Variants in CENPT observed in about 807,000 individuals in gnomAD.
CENPT encodes centromere protein T, also known as interphase centromere complex protein 22.
In CENPT, 42 loss-of-function variants were observed where a neutral mutation model predicts 59.7. That is an observed-to-expected ratio of 0.70 (90% CI 0.55 to 0.91). CENPT has a LOEUF of 0.91. CENPT is among the 40% of genes least tolerant of loss of function. The probability of loss-of-function intolerance (pLI) is 0.00; values close to 1 mark genes in which losing one functional copy is unlikely to be tolerated. For synonymous variants in CENPT, 295 were observed against 289.6 expected, an observed-to-expected ratio of 1.02 and a Z score of -0.19; for missense variants, 716 against 713.4, an observed-to-expected ratio of 1.00 and a Z score of -0.04.
chr16:67,828,401 G>A lies in CENPT; in HGVS notation c.1563-11C>T. The A allele has an allele frequency of 1.2e-6, 2 of 1,611,734 alleles. No individual in the cohort carries two copies. Among genetic ancestry groups the A allele is most frequent in the South Asian group, 2.2e-5 (2 of 91,004 alleles). On this transcript the variant is annotated splice_polypyrimidine_tract_variant and intron_variant, in intron 15 of 15. Transcript: ENST00000562787. ...GTGACCAGGCCCTGCCTGCAGTGGAGGAAGAGAAGGGACAGGCAGAATCAG... is the reference window on the plus strand; with the variant it reads ...GTGACCAGGCCCTGCCTGCAGTGGAAGAAGAGAAGGGACAGGCAGAATCAG...
At chr16:67,828,603 A>T in intron 14 of CENPT, 25 bp from the exon 15 acceptor site, 1 of 1,614,004 alleles carries the variant, frequency 6.2e-7, no homozygotes, top group African/African-American at 1.3e-5. Flanking sequence ...GGGATAGAGC[A>T]GGCTGAACAG....
Position 67,829,810 on chromosome 16 carries a change from C to G in CENPT, c.1141G>C (p.Gly381Arg). ...TCATCCCCTGAAGATGCTCCTGGCC[C>G]GTCAGCCTCAGCAGTCCCCTGGGAT... ...EGSQGTAEAD[G>R]PGASSGDEDA... is the part of the protein sequence containing the mutation. Residue 381 changes from glycine to arginine, a missense_variant, in exon 12 of 16, where the codon GGG becomes CGG. Coordinates refer to ENST00000562787, the MANE Select transcript of CENPT (RefSeq NM_025082.4). 2.5e-6 allele frequency: 4 copies of G among 1,614,224 alleles called. No homozygotes were observed. Among genetic ancestry groups the G allele is most frequent in the South Asian group, 1.1e-5 (1 of 91,090 alleles).
Position 67,842,980 on chromosome 16 carries a change from T to C in CENPT, c.-492+4421A>G, listed in dbSNP as rs777376161. On this transcript the variant is annotated intron_variant, in intron 1 of 15. Transcript: ENST00000562787. The surrounding 1 kb of genome is among the most constrained non-coding windows in gnomAD (Gnocchi z 4.9). ...CACCCTCTGCCTCCACTGCCCAGAC[T>C]GCCCAGCTGCAGCCGAACCTGGTAT... The C allele has an allele frequency of 1.2e-5, 19 of 1,611,350 alleles. No individual in the cohort carries two copies. The highest frequency in any genetic ancestry group is 6.7e-5 in the Admixed American group (4 of 59,960).
chr16:67,843,579 C>T lies in CENPT; in HGVS notation c.-492+3822G>A. ...CAGGCCATTGTTGAACTCCTCTATACTCCTGGGCACTGGTTGACAGTACTG... is the reference window on the plus strand; with the variant it reads ...CAGGCCATTGTTGAACTCCTCTATATTCCTGGGCACTGGTTGACAGTACTG... On this transcript the variant is annotated intron_variant, in intron 1 of 15. Coordinates refer to ENST00000562787, the MANE Select transcript of CENPT (RefSeq NM_025082.4). The surrounding 1 kb of genome is among the most constrained non-coding windows in gnomAD (Gnocchi z 5.7). The T allele has an allele frequency of 7.2e-7, 1 of 1,395,044 alleles. No individual in the cohort carries two copies. Among genetic ancestry groups the T allele is most frequent in the Middle Eastern group, 2.2e-4 (1 of 4,618 alleles). 86.4% of individuals were successfully genotyped at this position (1,395,044 alleles called of 1,614,324 possible).
At chr16:67,831,486 TA>T in intron 9 of CENPT, 89 bp downstream of exon 9, 1 of 1,573,728 alleles carries the variant, frequency 6.4e-7, no homozygotes. Context: ...TGGTAGGAAG[TA>T]GTATGGGCAG....
At chr16:67,837,555 A>C (rs1598147388) in intron 1 of CENPT, among the ~76,000 whole-genome samples, 1 of 152,224 alleles carries the variant, frequency 6.6e-6, no homozygotes, top group African/African-American at 2.4e-5. Flanking sequence ...AAAAATACAA[A>C]AAATTAGCCG....
intron 1 of CENPT, among the ~76,000 whole-genome samples, chr16:67,837,951 A>G (rs145849897): frequency 1.3e-5 from 2 of 152,304 alleles, no homozygotes; most frequent in African/African-American, 2.4e-5. Flanking sequence ...GAGGTATGAC[A>G]TATCAGATTT....
At chr16:67,830,133 A>T in intron 11 of CENPT, 45 bp from the exon 12 acceptor site, 1 of 1,563,838 alleles carries the variant, frequency 6.4e-7, no homozygotes, top group South Asian at 1.1e-5. Flanking sequence ...CAGCAGGCCA[A>T]GGCTGCATAG....
At chr16:67,840,091 C>T (rs1482783807) in intron 1 of CENPT, among the ~76,000 whole-genome samples, 4 of 151,824 alleles carry the variant, frequency 2.6e-5, no homozygotes, top group Non-Finnish European at 1.5e-5. Context: ...CCGAGGCGGG[C>T]GGATCACGAA....
Position 67,829,807 on chromosome 16 carries a change from G to C in CENPT, c.1144C>G (p.Pro382Ala). Reference protein sequence around the residue: ...GSQGTAEADGPGASSGDEDAS... With the variant: ...GSQGTAEADGAGASSGDEDAS... ...TCCTCATCCCCTGAAGATGCTCCTG[G>C]CCCGTCAGCCTCAGCAGTCCCCTGG... Residue 382 changes from proline (P) to alanine (A), a missense_variant, in exon 12 of 16, where the codon CCA becomes GCA. Coordinates refer to ENST00000562787, the MANE Select transcript of CENPT (RefSeq NM_025082.4). The C allele has an allele frequency of 6.2e-7, 1 of 1,614,178 alleles. No homozygotes were observed. Among genetic ancestry groups the C allele is most frequent in the Non-Finnish European group, 8.5e-7 (1 of 1,180,032 alleles).
intron 1 of CENPT, among the ~76,000 whole-genome samples, chr16:67,838,107 C>T (rs2057743009): frequency 6.6e-6 from 1 of 152,134 alleles, no homozygotes. Context: ...CCATGCATTC[C>T]AGATATGCTT....
At position 67,842,446 on chromosome 16, in the gene CENPT, CCAAGGCCTCGCGCGGCGCCGCCCGT is replaced by C; in HGVS notation, c.-492+4930_-492+4954del. The C allele has an allele frequency of 1.2e-6, 1 of 867,314 alleles. No individual in the cohort carries two copies. The highest frequency in any genetic ancestry group is 1.5e-6 in the Non-Finnish European group (1 of 660,944). The allele number at this position is 867,314 out of a possible 1,614,324, so 53.7% of individuals were successfully genotyped here. Reference sequence around the variant, plus strand: ...CCGAGCGGCAGTGGTGGGATACCACCCAAGGCCTCGCGCGGCGCCGCCCGTCGAGGGGCGGGCGGCGGCGTAGCCA... The same window carrying C: ...CCGAGCGGCAGTGGTGGGATACCACCCGAGGGGCGGGCGGCGGCGTAGCCA... On this transcript the variant is annotated intron_variant, in intron 1 of 15. Coordinates refer to ENST00000562787, the MANE Select transcript of CENPT (RefSeq NM_025082.4). The surrounding 1 kb of genome is among the most constrained non-coding windows in gnomAD (Gnocchi z 4.9).
At chr16:67,831,050 C>A (rs746734004) in intron 10 of CENPT, 166 bp downstream of exon 10, 100 of 834,092 alleles carry the variant, frequency 1.2e-4, no homozygotes, top group Admixed American at 1.5e-4. Context: ...AGGAAAGAGG[C>A]CCCCTGTAGA....
At position 67,828,482 on chromosome 16, in the gene CENPT, C is replaced by T; in HGVS notation, c.1554G>A (p.Leu518=). 6.2e-7 allele frequency: 1 copy of T among 1,614,260 alleles called. No homozygotes were observed. ...ACCTTCCGCCTTCTCACCGCCGCATCAGCAGCTCCAGGTCCTCTGGCTTCA... is the reference window on the plus strand; with the variant it reads ...ACCTTCCGCCTTCTCACCGCCGCATTAGCAGCTCCAGGTCCTCTGGCTTCA... ...KTVKPEDLEL[L]MRRQGLVTDQ... The change falls in exon 15 of 16, where the codon CTG becomes CTA. Residue 518 remains leucine, a synonymous_variant. Coordinates refer to ENST00000562787, the MANE Select transcript of CENPT (RefSeq NM_025082.4).
intron 1 of CENPT, among the ~76,000 whole-genome samples, chr16:67,844,456 T>G (rs544626751): frequency 6.6e-6 from 1 of 152,324 alleles, no homozygotes; most frequent in African/African-American, 2.4e-5. Context: ...TCTCCCTGTA[T>G]CCTTTCAACA....
chr16:67,842,719 C>G lies in CENPT; in HGVS notation c.-492+4682G>C. ...GGTGCTTCTCCACCTTCCAGCCCACCACAGGCCACCGTCTCTGCAGCGTTC... is the reference window on the plus strand; with the variant it reads ...GGTGCTTCTCCACCTTCCAGCCCACGACAGGCCACCGTCTCTGCAGCGTTC... On this transcript the variant is annotated intron_variant, in intron 1 of 15. Coordinates refer to ENST00000562787, the MANE Select transcript of CENPT (RefSeq NM_025082.4). This position sits in a 1 kb window ranked among gnomAD's most constrained non-coding sequence, Gnocchi z 4.9. 1 of 1,605,644 alleles carries G rather than the reference C, an allele frequency of 6.2e-7. No individual in the cohort carries two copies. Among genetic ancestry groups the G allele is most frequent in the Non-Finnish European group, 8.5e-7 (1 of 1,176,186 alleles).
chr16:67,842,549 G>A lies in CENPT; in HGVS notation c.-492+4852C>T. 1 of 1,510,622 alleles carries A rather than the reference G, an allele frequency of 6.6e-7. No homozygotes were observed. 93.6% of individuals were successfully genotyped at this position (1,510,622 alleles called of 1,614,324 possible). ...GGTGGGCCGGGCCGGGCCGCGCGGC[G>A]CAGCCATGCCTGGCTTTACGTGCTG... On this transcript the variant is annotated intron_variant, in intron 1 of 15. Transcript: ENST00000562787. The surrounding 1 kb of genome is among the most constrained non-coding windows in gnomAD (Gnocchi z 4.9).
In CENPT at chr16:67,833,828, G is replaced by T; in HGVS notation, c.32C>A (p.Thr11Lys). Residue 11 changes from threonine (T) to lysine (K), a missense_variant, in exon 4 of 16, where the codon ACG becomes AAG. By Grantham distance (78) the Thr-to-Lys change is moderately conservative (BLOSUM62 -1). Coordinates refer to ENST00000562787, the MANE Select transcript of CENPT (RefSeq NM_025082.4). MADHNPDSDS[T>K]PRTLLRRVLD... ...CACGCGTCGCAGCAGCGTGCGCGGC[G>T]TGGAGTCGCTGTCAGGGTTGTGGTC... The T allele has an allele frequency of 1.3e-6, 2 of 1,572,970 alleles. No homozygotes were observed. Among genetic ancestry groups the T allele is most frequent in the South Asian group, 1.2e-5 (1 of 86,598 alleles).
intron 1 of CENPT, among the ~76,000 whole-genome samples, chr16:67,839,577 T>A (rs1207895933): frequency 3.3e-5 from 5 of 150,230 alleles, no homozygotes; most frequent in South Asian, 2.1e-4. Flanking sequence ...TAAAAATAAA[T>A]AAATAAATAA....
Sources: gnomAD v4.1 joint callset for allele counts (sites outside exome capture counted in the v4.1 genomes callset) on GRCh38, gnomAD v4.1.1 for gene constraint, Gnocchi (gnomAD v3.1) non-coding constraint, MANE v1.5 for transcripts, NCBI Gene and HGNC (gene_info 2026-07-23, HGNC 2026-07-21) for gene names.